PRR16: variants seen among roughly 807,000 people sequenced by gnomAD.
PRR16 encodes the protein proline rich 16, also known as protein Largen.
Under a neutral mutation model 18.2 loss-of-function variants are expected in PRR16, and 6 were observed. The ratio of observed to expected loss-of-function variants is 0.33; its 90% confidence interval spans 0.18 to 0.65. PRR16 has a LOEUF of 0.65. Ranked by LOEUF, PRR16 falls within the 30% of genes least tolerant of loss-of-function variation. The pLI is 0.74. For missense variants in PRR16, 412 were observed against 376.6 expected (o/e 1.09, Z -0.78); for synonymous variants, 151 against 147.8 (o/e 1.02, Z -0.16).
chr5:120,560,121 C>T (rs1387268759), intron 1 of PRR16, among the ~76,000 whole-genome samples: 2 of 151,734 alleles, frequency 1.3e-5, no homozygotes, highest in Non-Finnish European at 2.9e-5. Context: ...TTTGGATGCC[C>T]TTTATTTCTT....
chr5:120,684,535 C>G (rs1757062503), intron 1 of PRR16, among the ~76,000 whole-genome samples: 1 of 152,178 alleles, frequency 6.6e-6, no homozygotes, highest in Admixed American at 6.5e-5. Context: ...GAACTGTCTC[C>G]TTACATAAAC....
chr5:120,702,096 AAAG>A, the PRR16 span, among the ~76,000 whole-genome samples: 21 of 151,968 alleles, frequency 1.4e-4, no homozygotes, highest in Non-Finnish European at 2.4e-4. Context: ...AGCCTAGAGA[AAAG>A]AGAGAGCAGA....
chr5:120,667,279 T>A (rs1414703571), intron 1 of PRR16, among the ~76,000 whole-genome samples: 1 of 151,798 alleles, frequency 6.6e-6, no homozygotes, highest in Non-Finnish European at 1.5e-5. Flanking sequence ...TAGTTTGTAT[T>A]TCTGTGGGAT....
At chr5:120,626,018 A>G (rs1754851686) in intron 1 of PRR16, among the ~76,000 whole-genome samples, 1 of 152,138 alleles carries the variant, frequency 6.6e-6, no homozygotes, top group Non-Finnish European at 1.5e-5. Context: ...TATTAACCAC[A>G]CTATAATTCA....
At chr5:120,774,694 T>A in the PRR16 span, among the ~76,000 whole-genome samples, 2 of 152,276 alleles carry the variant, frequency 1.3e-5, no homozygotes, top group Middle Eastern at 6.8e-3. Context: ...TAAATCTATA[T>A]GTGATTTTTA....
In PRR16 at chr5:120,558,155, A is replaced by C. The variant is rs542989539; in HGVS notation, c.159+93510A>C. ...TTTGTTTTACAAATAATCCAATTAT[A>C]CTCTTTTAGTTCTTTTAAATGTGCA... On this transcript the variant is annotated intron_variant, in intron 1 of 1. Coordinates refer to ENST00000407149, the MANE Select transcript of PRR16 (RefSeq NM_001300783.2). Among the ~76,000 whole-genome samples the C allele has an allele frequency of 5.9e-5, 9 of 151,630 alleles. No homozygotes were observed. In the East Asian group the frequency reaches 1.7e-3, roughly 29 times the overall value.
intron 1 of PRR16, among the ~76,000 whole-genome samples, chr5:120,610,694 C>T (rs1388663471): frequency 6.6e-6 from 1 of 152,210 alleles, no homozygotes; most frequent in African/African-American, 2.4e-5. Context: ...ATTCTGAGGC[C>T]TCCCCAGATA....
intron 1 of PRR16, among the ~76,000 whole-genome samples, chr5:120,509,299 T>C (rs946213300): frequency 5.9e-5 from 9 of 152,152 alleles, no homozygotes; most frequent in Non-Finnish European, 8.8e-5. Context: ...TGTTGAGGTC[T>C]CTTCATCCGT....
intron 1 of PRR16, among the ~76,000 whole-genome samples, chr5:120,552,616 C>G (rs1580716719): frequency 1.3e-5 from 2 of 151,808 alleles, no homozygotes; most frequent in African/African-American, 4.8e-5. Context: ...TTAGAACATT[C>G]TTGTCAATCA....
intron 1 of PRR16, among the ~76,000 whole-genome samples, chr5:120,474,767 G>A (rs1749385656): frequency 1.3e-5 from 2 of 151,968 alleles, no homozygotes; most frequent in Admixed American, 1.3e-4. Flanking sequence ...TTTTTTAAGG[G>A]ATTTGGGTAA....
intron 1 of PRR16, among the ~76,000 whole-genome samples, chr5:120,497,471 A>C (rs1580649486): frequency 7.1e-6 from 1 of 141,682 alleles, no homozygotes; most frequent in African/African-American, 2.7e-5. Flanking sequence ...GTTCACTGCA[A>C]CCTCCGTCTC....
intron 1 of PRR16, among the ~76,000 whole-genome samples, chr5:120,489,331 T>G (rs1749935964): frequency 6.6e-6 from 1 of 152,190 alleles, no homozygotes; most frequent in Non-Finnish European, 1.5e-5. Context: ...CGAATCTGGG[T>G]GCTCCTGTAT....
intron 1 of PRR16, among the ~76,000 whole-genome samples, chr5:120,637,626 T>C (rs1162029200): frequency 9.8e-6 from 1 of 101,916 alleles, no homozygotes; most frequent in Non-Finnish European, 2.3e-5. Context: ...GAATGATACA[T>C]TGGACTTTGG....
chr5:120,653,201 G>A (rs1185034330), intron 1 of PRR16, among the ~76,000 whole-genome samples: 2 of 151,494 alleles, frequency 1.3e-5, no homozygotes, highest in Admixed American at 6.6e-5. Flanking sequence ...CAGATTCTTG[G>A]TCTCTATGTT....
chr5:120,603,588 T>C (rs1372213930), intron 1 of PRR16, among the ~76,000 whole-genome samples: 1 of 151,904 alleles, frequency 6.6e-6, no homozygotes, highest in African/African-American at 2.4e-5. Context: ...GTCATTTCTT[T>C]ACTTCTGCTT....
At chr5:120,514,785 A>G (rs532147163) in intron 1 of PRR16, among the ~76,000 whole-genome samples, 227 of 152,258 alleles carry the variant, frequency 1.5e-3, no homozygotes, top group Non-Finnish European at 2.9e-3. Flanking sequence ...TTAAGAAAAA[A>G]GCTCCAGATA....
intron 1 of PRR16, among the ~76,000 whole-genome samples, chr5:120,589,304 G>T (rs1524565): frequency 6.6e-6 from 1 of 151,740 alleles, no homozygotes; most frequent in Admixed American, 6.6e-5. Context: ...ACACCTCTGC[G>T]GATGCCACTC....
At chr5:120,579,395 T>C (rs1409379528) in intron 1 of PRR16, among the ~76,000 whole-genome samples, 1 of 152,216 alleles carries the variant, frequency 6.6e-6, no homozygotes, top group Non-Finnish European at 1.5e-5. Flanking sequence ...GTTATACATT[T>C]AAGTCTTTAA....
chr5:120,739,242 A>G, the PRR16 span, among the ~76,000 whole-genome samples: 1 of 152,182 alleles, frequency 6.6e-6, no homozygotes, highest in African/African-American at 2.4e-5. Flanking sequence ...GATGGTCTCT[A>G]TATTATGAGA....
Sources: allele counts gnomAD v4.1 joint callset (sites outside exome capture counted in the v4.1 genomes callset), GRCh38; gene constraint gnomAD v4.1.1; transcripts MANE v1.5; gene names NCBI Gene and HGNC (gene_info 2026-07-23, HGNC 2026-07-21).